The following SLIT1 variants were observed in gnomAD, a reference collection of about 807,000 sequenced individuals.
SLIT1 encodes the protein slit homolog 1 protein.
SLIT1 carries 66 observed loss-of-function variants against 186.1 expected under a neutral mutation model. That is an observed-to-expected ratio of 0.35 (90% CI 0.29 to 0.44). SLIT1 has a LOEUF of 0.44. Among genes scored for constraint, SLIT1 ranks in the 20% least tolerant of loss-of-function variants. The probability of loss-of-function intolerance (pLI) is 1.00; values close to 1 mark genes in which losing one functional copy is unlikely to be tolerated. For synonymous variants in SLIT1, 761 were observed against 833.8 expected, an observed-to-expected ratio of 0.91 and a Z score of 1.50; for missense variants, 1,638 against 2,037.4, an observed-to-expected ratio of 0.80 and a Z score of 3.77.
chr10:97,099,103 G>A (rs372707601), intron 4 of SLIT1, among the ~76,000 whole-genome samples: 2 of 150,214 alleles, frequency 1.3e-5, no homozygotes, highest in Non-Finnish European at 3.0e-5. Context: ...CATGATTAAC[G>A]TGAATAGCAA....
chr10:97,155,357 C>G (rs1373360531), intron 4 of SLIT1: 1 of 152,302 alleles, frequency 6.6e-6, no homozygotes, highest in Non-Finnish European at 1.5e-5. Context: ...TGTCATTTTC[C>G]TCAGGAAGGA....
chr10:97,067,713 C>T (rs1363755718), intron 4 of SLIT1, among the ~76,000 whole-genome samples: 1 of 152,166 alleles, frequency 6.6e-6, no homozygotes, highest in Non-Finnish European at 1.5e-5. Context: ...GGCTCCCTGC[C>T]CCAGAGCCTT....
At chr10:97,063,103 G>A (rs913506860) in intron 8 of SLIT1, among the ~76,000 whole-genome samples, 2 of 152,200 alleles carry the variant, frequency 1.3e-5, no homozygotes, top group East Asian at 1.9e-4. Context: ...GAAAGAGATC[G>A]GGGTGGAACA....
At chr10:97,179,025 A>C in intron 1 of SLIT1, among the ~76,000 whole-genome samples, 2 of 151,772 alleles carry the variant, frequency 1.3e-5, no homozygotes, top group Non-Finnish European at 2.9e-5. Flanking sequence ...ATGCTCCCAA[A>C]CTCCCTTACC....
chr10:97,013,743 G>A lies in SLIT1; in HGVS notation c.3201C>T (p.Pro1067=), dbSNP rs1320726808. The A allele has an allele frequency of 6.4e-7, 1 of 1,550,518 alleles. No individual in the cohort carries two copies. Among genetic ancestry groups the A allele is most frequent in the South Asian group, 1.2e-5 (1 of 84,044 alleles). ...CCCTGGAAAGGGGCAACACTCACCTGGGCCCATCCGGGGTGCCCACACACT... is the reference window on the plus strand; with the variant it reads ...CCCTGGAAAGGGGCAACACTCACCTAGGCCCATCCGGGGTGCCCACACACT... The part of the protein sequence containing the change: ...EAQCVGTPDG[P]RCECMPGYAG... Residue 1067 remains proline, a splice_region_variant and synonymous_variant, in exon 30 of 37, where the codon CCC becomes CCT. Coordinates refer to ENST00000266058, the MANE Select transcript of SLIT1 (RefSeq NM_003061.3).
chr10:97,011,121 G>T lies in SLIT1; in HGVS notation c.3213C>A (p.Cys1071Ter), dbSNP rs747673009. 6.2e-7 allele frequency: 1 copy of T among 1,613,346 alleles called. No homozygotes were observed. The highest frequency in any genetic ancestry group is 8.5e-7 in the Non-Finnish European group (1 of 1,179,502). Reference protein sequence around the residue: ...VGTPDGPRCECMPGYAGDNCS... With the variant: ...VGTPDGPRCE ...AGTTGTCACCTGCATAACCTGGCAT[G>T]CACTCACACCTAGTGGGTGGGGGGC... Residue 1071 changes from cysteine to a stop codon, truncating the protein, a stop_gained, in exon 31 of 37, where the codon TGC becomes TGA. Coordinates refer to ENST00000266058, the MANE Select transcript of SLIT1 (RefSeq NM_003061.3). LOFTEE classifies it high-confidence loss of function.
chr10:97,057,407 T>C (rs1848850744), intron 11 of SLIT1, 126 bp from the exon 12 acceptor site: 3 of 657,626 alleles, frequency 4.6e-6, no homozygotes, highest in Non-Finnish European at 8.0e-6. Context: ...ATCCTAATGG[T>C]GTATATTTGT....
chr10:97,128,434 T>G (rs571491780), intron 4 of SLIT1, among the ~76,000 whole-genome samples: 3 of 152,276 alleles, frequency 2.0e-5, no homozygotes, highest in East Asian at 1.9e-4. Flanking sequence ...CCCACTCCTC[T>G]TCAGCAAAGA....
In SLIT1 at chr10:97,002,210, C is replaced by T. The variant is rs575734584; in HGVS notation, c.4314G>A (p.Lys1438=). The T allele has an allele frequency of 3.2e-6, 5 of 1,581,138 alleles. No individual in the cohort carries two copies. Among genetic ancestry groups the T allele is most frequent in the Non-Finnish European group, 3.4e-6 (4 of 1,161,150 alleles). ...CGGGGTCACACACACAGTGTGCCCC[C>T]TTGGTGCCTGAGGCCTGGCAGTGGC... ...LHGHCQASGT[K]GAHCVCDPGF... is the part of the protein sequence containing the mutation. Residue 1438 remains lysine (K), a synonymous_variant, in exon 36 of 37, where the codon AAG becomes AAA. Transcript: ENST00000266058.
chr10:97,118,623 T>G (rs1344450425), intron 4 of SLIT1, among the ~76,000 whole-genome samples: 1 of 152,072 alleles, frequency 6.6e-6, no homozygotes, highest in African/African-American at 2.4e-5. Flanking sequence ...GAACACACAT[T>G]ATTAAGGGGG....
intron 1 of SLIT1, among the ~76,000 whole-genome samples, chr10:97,177,485 A>G (rs1850271905): frequency 6.6e-6 from 1 of 152,196 alleles, no homozygotes; most frequent in Non-Finnish European, 1.5e-5. Flanking sequence ...CTATGACTGT[A>G]GTAGCTTCCT....
At position 97,163,463 on chromosome 10, in the gene SLIT1, A is replaced by G. The variant is rs761741145; in HGVS notation, c.270-12T>C. On this transcript the variant is annotated splice_polypyrimidine_tract_variant and intron_variant, in intron 2 of 36. Transcript: ENST00000266058. ...TCTCCATCAGCTGCCTGGGGAAGCA[A>G]AGAGACAAGGACAGCTACAGGGTGT... is the stretch of plus-strand genomic sequence containing the variant. 2.0e-5 allele frequency: 32 copies of G among 1,613,302 alleles called. 1 individual carries two copies. In the South Asian group the frequency reaches 3.5e-4, roughly 18 times the overall value.
chr10:97,153,081 C>T (rs1431569224), intron 4 of SLIT1: 1 of 152,146 alleles, frequency 6.6e-6, no homozygotes, highest in East Asian at 1.9e-4. Flanking sequence ...AGGGCAGATG[C>T]CCAAATATGA....
intron 4 of SLIT1, among the ~76,000 whole-genome samples, chr10:97,085,518 G>A (rs980246159): frequency 6.6e-6 from 1 of 152,062 alleles, no homozygotes; most frequent in Admixed American, 6.5e-5. Flanking sequence ...CTCCTGAGTA[G>A]CTGGGATTAC....
intron 4 of SLIT1, among the ~76,000 whole-genome samples, chr10:97,131,166 C>CT (rs1423587606): frequency 6.6e-6 from 1 of 152,218 alleles, no homozygotes; most frequent in Non-Finnish European, 1.5e-5. Context: ...AGGGCACTTC[C>CT]TTCTGCCCTA....
At chr10:97,140,805 C>T (rs1346172978) in intron 4 of SLIT1, among the ~76,000 whole-genome samples, 1 of 152,202 alleles carries the variant, frequency 6.6e-6, no homozygotes, top group African/African-American at 2.4e-5. Flanking sequence ...AATCAGACAT[C>T]ACTTCCAAAG....
chr10:97,147,223 C>G (rs1258864733), intron 4 of SLIT1, among the ~76,000 whole-genome samples: 2 of 152,098 alleles, frequency 1.3e-5, no homozygotes, highest in East Asian at 1.9e-4. Context: ...GTACTGAGAA[C>G]AGGCAAAGTT....
intron 8 of SLIT1, among the ~76,000 whole-genome samples, chr10:97,063,090 C>T (rs1445388510): frequency 6.6e-6 from 1 of 152,040 alleles, no homozygotes; most frequent in Non-Finnish European, 1.5e-5. Flanking sequence ...ACTGAGTAGA[C>T]CAGAAAGAGA....
chr10:97,045,099 C>T (rs1848723343), intron 18 of SLIT1, among the ~76,000 whole-genome samples: 1 of 152,158 alleles, frequency 6.6e-6, no homozygotes, highest in Non-Finnish European at 1.5e-5. Context: ...GCACCCTGGT[C>T]TCAGACTTCC....
Sources: allele counts gnomAD v4.1 joint callset (sites outside exome capture counted in the v4.1 genomes callset), GRCh38; gene constraint gnomAD v4.1.1; transcripts MANE v1.5; gene names NCBI Gene and HGNC (gene_info 2026-07-23, HGNC 2026-07-21).